BATF: variants seen among roughly 807,000 people sequenced by gnomAD.
The protein encoded by BATF is basic leucine zipper transcriptional factor ATF-like.
A neutral mutation model predicts 13.7 loss-of-function variants in BATF; 5 were observed. That is an observed-to-expected ratio of 0.36 (90% CI 0.19 to 0.77). BATF has a LOEUF of 0.77. Ranked by LOEUF, BATF falls within the 30% of genes least tolerant of loss-of-function variation. The probability of loss-of-function intolerance (pLI) is 0.51; values close to 1 mark genes in which losing one functional copy is unlikely to be tolerated. For synonymous variants in BATF, 72 were observed against 67.5 expected, an observed-to-expected ratio of 1.07 and a Z score of -0.33; for missense variants, 124 against 163.0, an observed-to-expected ratio of 0.76 and a Z score of 1.30.
chr14:75,533,203 C>A (rs1412579225), intron 2 of BATF, among the ~76,000 whole-genome samples: 3 of 151,916 alleles, frequency 2.0e-5, no homozygotes, highest in African/African-American at 7.3e-5. Flanking sequence ...CCAAGGTGGG[C>A]AGATCATGAG....
intron 2 of BATF, among the ~76,000 whole-genome samples, chr14:75,542,051 G>A (rs1047790877): frequency 2.6e-5 from 4 of 152,140 alleles, no homozygotes; most frequent in African/African-American, 9.7e-5. Flanking sequence ...GGAACACAGG[G>A]CCCCGAGCCA....
intron 2 of BATF, among the ~76,000 whole-genome samples, chr14:75,527,076 G>T (rs1331408146): frequency 6.6e-6 from 1 of 152,098 alleles, no homozygotes; most frequent in East Asian, 1.9e-4. Flanking sequence ...GACGTTCTTG[G>T]CCTCCCTTGG....
intron 2 of BATF, among the ~76,000 whole-genome samples, chr14:75,533,494 A>G (rs1887771324): frequency 1.3e-5 from 2 of 151,890 alleles, no homozygotes; most frequent in Non-Finnish European, 2.9e-5. Context: ...TCACAAACTG[A>G]CAGCTGCCTG....
chr14:75,538,168 A>G (rs1887843966), intron 2 of BATF, among the ~76,000 whole-genome samples: 1 of 152,180 alleles, frequency 6.6e-6, no homozygotes, highest in African/African-American at 2.4e-5. Flanking sequence ...TATGTTGCCC[A>G]GGCTGGTCTC....
chr14:75,531,577 G>C (rs1488533773), intron 2 of BATF, among the ~76,000 whole-genome samples: 1 of 152,182 alleles, frequency 6.6e-6, no homozygotes, highest in Non-Finnish European at 1.5e-5. Flanking sequence ...GCCTGGGGCT[G>C]CCTCCTGAAG....
intron 2 of BATF, among the ~76,000 whole-genome samples, chr14:75,529,512 T>C (rs138515734): frequency 2.0e-4 from 31 of 151,992 alleles, no homozygotes; most frequent in African/African-American, 7.5e-4. Context: ...CAAATAACCA[T>C]TAAAAATTTA....
At chr14:75,544,591 A>C (rs1189825479) in intron 2 of BATF, among the ~76,000 whole-genome samples, 1 of 150,804 alleles carries the variant, frequency 6.6e-6, no homozygotes, top group African/African-American at 2.4e-5. Flanking sequence ...AAAAAAATTC[A>C]GATCTGCAGA....
intron 2 of BATF, among the ~76,000 whole-genome samples, chr14:75,542,135 A>G (rs987660161): frequency 2.6e-5 from 4 of 152,230 alleles, no homozygotes; most frequent in Non-Finnish European, 4.4e-5. Flanking sequence ...ACTTCTGAGA[A>G]AACAAGTGCC....
intron 2 of BATF, among the ~76,000 whole-genome samples, chr14:75,538,501 G>A (rs1023715022): frequency 1.3e-5 from 2 of 152,220 alleles, no homozygotes; most frequent in Non-Finnish European, 2.9e-5. Context: ...TGAATATGTG[G>A]AGTGAGTAGA....
intron 2 of BATF, among the ~76,000 whole-genome samples, chr14:75,526,257 G>T (rs1182553297): frequency 6.6e-6 from 1 of 152,124 alleles, no homozygotes; most frequent in Non-Finnish European, 1.5e-5. Context: ...CCCCCAGTAT[G>T]GTTCTTGTTC....
intron 2 of BATF, among the ~76,000 whole-genome samples, chr14:75,534,855 C>A (rs536220896): frequency 3.3e-5 from 5 of 152,262 alleles, no homozygotes; most frequent in African/African-American, 1.2e-4. Flanking sequence ...CTAGGAATTT[C>A]TCCAAGGAAA....
intron 2 of BATF, among the ~76,000 whole-genome samples, chr14:75,533,282 G>A (rs144060707): frequency 0.011 from 1,719 of 152,126 alleles, 37 homozygotes; most frequent in African/African-American, 0.039. Flanking sequence ...CAAAAAATTA[G>A]CCAGGCGTGG....
intron 2 of BATF, among the ~76,000 whole-genome samples, chr14:75,533,482 G>T (rs1028147046): frequency 6.6e-6 from 1 of 151,654 alleles, no homozygotes; most frequent in Admixed American, 6.6e-5. Context: ...GATGGTCCTA[G>T]GTCACAAACT....
intron 2 of BATF, among the ~76,000 whole-genome samples, chr14:75,543,722 G>T (rs1011347884): frequency 6.6e-6 from 1 of 151,638 alleles, no homozygotes; most frequent in Admixed American, 6.6e-5. Flanking sequence ...TCTCAATAAT[G>T]TTGCACAGGC....
chr14:75,545,842 T>C (rs1281232341), intron 2 of BATF, among the ~76,000 whole-genome samples: 1 of 151,790 alleles, frequency 6.6e-6, no homozygotes, highest in East Asian at 1.9e-4. Context: ...CTCTATCAGG[T>C]TGAACCATAT....
intron 2 of BATF, among the ~76,000 whole-genome samples, chr14:75,533,489 A>G (rs1887771204): frequency 6.6e-6 from 1 of 152,072 alleles, no homozygotes; most frequent in Non-Finnish European, 1.5e-5. Context: ...CTAGGTCACA[A>G]ACTGACAGCT....
In BATF at chr14:75,525,100, T is replaced by C; in HGVS notation, c.80T>C (p.Val27Ala). Residue 27 changes from valine (V) to alanine (A), a missense_variant, in exon 2 of 3, where the codon GTG becomes GCG. Val to Ala is a moderately conservative substitution (Grantham distance 64, BLOSUM62 0). Transcript: ENST00000286639. ...GCTTCCCAGGACTCATCTGATGATG[T>C]GAGAAGAGTTCAGAGGAGGGAGAAA... is the stretch of plus-strand genomic sequence containing the variant. The part of the protein sequence containing the change: ...PPGKQDSSDD[V>A]RRVQRREKNR... 1 of 1,613,386 alleles carries C rather than the reference T, an allele frequency of 6.2e-7. No individual in the cohort carries two copies. The highest frequency in any genetic ancestry group is 8.5e-7 in the Non-Finnish European group (1 of 1,179,746).
At chr14:75,535,725 G>A (rs951584543) in intron 2 of BATF, among the ~76,000 whole-genome samples, 3 of 152,080 alleles carry the variant, frequency 2.0e-5, no homozygotes, top group African/African-American at 7.2e-5. Context: ...AGGAAAACAG[G>A]TGTCCCAGTA....
At chr14:75,533,848 A>G (rs117986001) in intron 2 of BATF, among the ~76,000 whole-genome samples, 2,418 of 152,262 alleles carry the variant, frequency 0.016, 36 homozygotes, top group South Asian at 0.044. Flanking sequence ...CACATTTCCA[A>G]TGAGGAAACT....
Sources: gnomAD v4.1 joint callset for allele counts (sites outside exome capture counted in the v4.1 genomes callset) on GRCh38, gnomAD v4.1.1 for gene constraint, MANE v1.5 for transcripts, NCBI Gene and HGNC (gene_info 2026-07-23, HGNC 2026-07-21) for gene names.